The following SLC9A9 variants were observed in gnomAD, a reference collection of about 807,000 sequenced individuals.
SLC9A9 encodes the protein sodium/hydrogen exchanger 9.
In SLC9A9, 62 loss-of-function variants were observed where a neutral mutation model predicts 77.8. The ratio of observed to expected loss-of-function variants is 0.80; its 90% CI spans 0.65 to 0.98. The LOEUF is 0.98. Ranked by LOEUF, SLC9A9 falls within the 50% of genes least tolerant of loss-of-function variation. SLC9A9 has a pLI of 0.00. For missense variants in SLC9A9, 775 were observed against 774.9 expected (o/e 1.00, Z 0.00); for synonymous variants, 320 against 283.5 (o/e 1.13, Z -1.29).
chr3:143,443,418 T>C (rs972973476), intron 12 of SLC9A9, among the ~76,000 whole-genome samples: 2 of 152,216 alleles, frequency 1.3e-5, no homozygotes, highest in African/African-American at 4.8e-5. Context: ...TTTTGTAATG[T>C]TTTATCTATT....
At chr3:143,396,127 C>T (rs142713891) in intron 12 of SLC9A9, among the ~76,000 whole-genome samples, 7,436 of 152,218 alleles carry the variant, frequency 0.049, 244 homozygotes, top group African/African-American at 0.088. Flanking sequence ...ATAAATCATG[C>T]TACTATAAAG....
At chr3:143,839,902 G>GACATT (rs1197695073) in intron 1 of SLC9A9, among the ~76,000 whole-genome samples, 3 of 152,136 alleles carry the variant, frequency 2.0e-5, no homozygotes, top group Non-Finnish European at 4.4e-5. Flanking sequence ...AAGTGTTATA[G>GACATT]ACGGTGAAAG....
intron 9 of SLC9A9, among the ~76,000 whole-genome samples, chr3:143,523,622 A>G (rs984366022): frequency 6.6e-6 from 1 of 152,152 alleles, no homozygotes; most frequent in Non-Finnish European, 1.5e-5. Context: ...TTTATGTAAA[A>G]TTGGAGAATT....
intron 12 of SLC9A9, among the ~76,000 whole-genome samples, chr3:143,452,495 A>G (rs1474035960): frequency 8.1e-6 from 1 of 123,380 alleles, no homozygotes; most frequent in East Asian, 3.2e-4. Context: ...AAAACTGATT[A>G]AAAAGACTAA....
chr3:143,492,491 C>T (rs76691257), intron 11 of SLC9A9, among the ~76,000 whole-genome samples: 2,134 of 152,130 alleles, frequency 0.014, 42 homozygotes, highest in East Asian at 0.12. Context: ...CCCCTTTTAC[C>T]GTATGGACCA....
At chr3:143,636,088 T>G (rs751598888) in intron 6 of SLC9A9, among the ~76,000 whole-genome samples, 5 of 152,300 alleles carry the variant, frequency 3.3e-5, no homozygotes, top group Admixed American at 2.0e-4. Context: ...ATTGAAGATA[T>G]AGTTTACTTG....
chr3:143,796,026 C>T (rs1477872666), intron 3 of SLC9A9, among the ~76,000 whole-genome samples: 1 of 152,098 alleles, frequency 6.6e-6, no homozygotes, highest in Non-Finnish European at 1.5e-5. Flanking sequence ...GGAAGAAAGC[C>T]CCAGGAATCT....
intron 5 of SLC9A9, among the ~76,000 whole-genome samples, chr3:143,659,427 C>T (rs1346005794): frequency 6.6e-6 from 1 of 152,148 alleles, no homozygotes; most frequent in African/African-American, 2.4e-5. Context: ...GTTTCTCTTG[C>T]TACAAAAAGA....
chr3:143,402,447 G>GTTTTT (rs11292780), intron 12 of SLC9A9, among the ~76,000 whole-genome samples: 3 of 110,394 alleles, frequency 2.7e-5, no homozygotes, highest in Non-Finnish European at 1.9e-5. Context: ...GCACCTTTGT[G>GTTTTT]TTTTTTTTTT....
chr3:143,438,791 G>T (rs973856090), intron 12 of SLC9A9, among the ~76,000 whole-genome samples: 1 of 152,122 alleles, frequency 6.6e-6, no homozygotes, highest in African/African-American at 2.4e-5. Flanking sequence ...CGAGTTACCA[G>T]TGACTGGCCC....
Position 143,315,147 on chromosome 3 carries a change from A to G in SLC9A9, c.1605-46167T>C, listed in dbSNP as rs539576512. Among the ~76,000 whole-genome samples, 7 of 152,324 alleles carry G rather than the reference A, an allele frequency of 4.6e-5. No homozygotes were observed. In the South Asian group the frequency reaches 1.2e-3, roughly 27 times the overall value. ...ACATCTGATACAGGAAGTAAACCAA[A>G]CAAAGAACATCAGTTTTTGAGGATA... On this transcript the variant is annotated intron_variant, in intron 14 of 15. Coordinates refer to ENST00000316549, the MANE Select transcript of SLC9A9 (RefSeq NM_173653.4).
intron 6 of SLC9A9, among the ~76,000 whole-genome samples, chr3:143,618,321 G>C (rs1440425505): frequency 6.6e-6 from 1 of 152,170 alleles, no homozygotes; most frequent in African/African-American, 2.4e-5. Context: ...AGTTGGAGGA[G>C]TATAGAGAGG....
At chr3:143,779,088 C>T (rs1016206171) in intron 4 of SLC9A9, among the ~76,000 whole-genome samples, 2 of 152,130 alleles carry the variant, frequency 1.3e-5, no homozygotes, top group African/African-American at 4.8e-5. Context: ...AGCTTTGTAT[C>T]CCAGCTGGAT....
At chr3:143,815,133 A>C (rs557781537) in intron 2 of SLC9A9, among the ~76,000 whole-genome samples, 28 of 152,352 alleles carry the variant, frequency 1.8e-4, no homozygotes, top group African/African-American at 6.5e-4. Context: ...AAAAAAATTA[A>C]AGAAGTGATA....
chr3:143,771,286 G>A (rs181623868), intron 4 of SLC9A9, among the ~76,000 whole-genome samples: 17 of 152,284 alleles, frequency 1.1e-4, no homozygotes, highest in Middle Eastern at 3.4e-3. Context: ...AAATAGAACC[G>A]ATGTTCACTG....
At chr3:143,554,420 C>A (rs7647819) in intron 8 of SLC9A9, among the ~76,000 whole-genome samples, 32,613 of 152,028 alleles carry the variant, frequency 0.21, 3,505 homozygotes, top group African/African-American at 0.23. Context: ...GTGCACCTCT[C>A]ACTGCAAATC....
At position 143,353,832 on chromosome 3, in the gene SLC9A9, A is replaced by G. The variant is rs532438845; in HGVS notation, c.1604+9652T>C. Reference sequence around the variant, plus strand: ...TAATTGAATAAAATATAATAGAATAATTATTTTTCTGGGGGAAGAAATATG... The same window carrying G: ...TAATTGAATAAAATATAATAGAATAGTTATTTTTCTGGGGGAAGAAATATG... On this transcript the variant is annotated intron_variant, in intron 14 of 15. Coordinates refer to ENST00000316549, the MANE Select transcript of SLC9A9 (RefSeq NM_173653.4). 2.0e-5 allele frequency among the ~76,000 whole-genome samples: 3 copies of G among 152,280 alleles called. No homozygotes were observed. In the South Asian group the frequency reaches 6.2e-4, roughly 32 times the overall value.
rs115589942 is a variant in SLC9A9 at position 143,662,594 on chromosome 3, G to A, written c.650-10234C>T. Among the ~76,000 whole-genome samples the A allele has an allele frequency of 6.2e-3, 950 of 152,134 alleles. 7 individuals carry two copies. Among genetic ancestry groups the A allele is most frequent in the African/African-American group, 0.016 (657 of 41,510 alleles). On this transcript the variant is annotated intron_variant, in intron 5 of 15. Coordinates refer to ENST00000316549, the MANE Select transcript of SLC9A9 (RefSeq NM_173653.4). ...GGGTACCTGGAAACTCAGGACACTCGTGCTCTAATACTGTGCTTTTCCAAA... is the reference window on the plus strand; with the variant it reads ...GGGTACCTGGAAACTCAGGACACTCATGCTCTAATACTGTGCTTTTCCAAA...
chr3:143,451,137 C>G (rs1303666977), intron 12 of SLC9A9, among the ~76,000 whole-genome samples: 1 of 151,096 alleles, frequency 6.6e-6, no homozygotes, highest in Non-Finnish European at 1.5e-5. Flanking sequence ...ATCTCTACTG[C>G]AAATCTAGCA....
Sources: allele counts gnomAD v4.1 joint callset (sites outside exome capture counted in the v4.1 genomes callset), GRCh38; gene constraint gnomAD v4.1.1; transcripts MANE v1.5; gene names NCBI Gene and HGNC (gene_info 2026-07-23, HGNC 2026-07-21).